The following ART3 variants were observed in gnomAD, a reference collection of about 807,000 sequenced individuals.
ART3 encodes ecto-ADP-ribosyltransferase 3.
Under a neutral mutation model 48.5 loss-of-function variants are expected in ART3, and 49 were observed. That is an observed-to-expected ratio of 1.01 (90% CI 0.80 to 1.28). ART3 has a LOEUF of 1.28. ART3 is among the 50% of genes most tolerant of loss of function. The pLI is 0.00. For missense variants in ART3, 438 were observed against 454.3 expected, an observed-to-expected ratio of 0.96 and a Z score of 0.33; for synonymous variants, 145 against 157.2, an observed-to-expected ratio of 0.92 and a Z score of 0.58.
At position 76,061,578 on chromosome 4, in the gene ART3, G is replaced by A. The variant is rs577674463; in HGVS notation, c.-9-14303G>A. ...TTCATGGTTTCCCATTGCCATTTCA[G>A]TCAAGTTCCAATTTCTAAGCATTAC... On this transcript the variant is annotated intron_variant, in intron 1 of 9. Transcript: ENST00000341029. Among the ~76,000 whole-genome samples, 6 of 152,254 alleles carry A rather than the reference G, an allele frequency of 3.9e-5. No individual in the cohort carries two copies. The East Asian group carries it at 7.7e-4, about 20-fold the overall frequency.
intron 8 of ART3, 152 bp downstream of exon 8, chr4:76,101,171 G>A (rs1279918458): frequency 9.4e-6 from 8 of 848,206 alleles, no homozygotes; most frequent in Admixed American, 8.1e-5. Flanking sequence ...ACTCTCCTGG[G>A]TTTCAGGTAG....
At chr4:76,047,592 G>T (rs1395460559) in intron 1 of ART3, among the ~76,000 whole-genome samples, 2 of 151,782 alleles carry the variant, frequency 1.3e-5, no homozygotes, top group African/African-American at 4.8e-5. Flanking sequence ...ATTCTCCTTA[G>T]TCCTTCTAGA....
At chr4:76,107,917 G>C (rs978703640) in intron 11 of ART3, 124 bp downstream of exon 11, 2 of 716,406 alleles carry the variant, frequency 2.8e-6, no homozygotes, top group Non-Finnish European at 4.5e-6. Flanking sequence ...CTTAATAACA[G>C]AGTATAATGT....
chr4:76,069,615 C>T (rs1219545608), intron 1 of ART3, among the ~76,000 whole-genome samples: 1 of 151,922 alleles, frequency 6.6e-6, no homozygotes, highest in African/African-American at 2.4e-5. Flanking sequence ...GTCTCGAACT[C>T]CTGATCTCAA....
At chr4:76,054,339 T>A (rs373275131) in intron 1 of ART3, among the ~76,000 whole-genome samples, 1 of 152,184 alleles carries the variant, frequency 6.6e-6, no homozygotes, top group East Asian at 1.9e-4. Flanking sequence ...TGACCATTTA[T>A]AAGGAGTATT....
chr4:76,097,057 C>A (rs116655606), intron 3 of ART3, among the ~76,000 whole-genome samples: 1,741 of 152,184 alleles, frequency 0.011, 21 homozygotes, highest in Non-Finnish European at 0.019. Context: ...GGTATTAGCC[C>A]TGGATGGGCC....
chr4:76,081,347 A>C (rs1438939932), intron 2 of ART3, among the ~76,000 whole-genome samples: 1 of 152,150 alleles, frequency 6.6e-6, no homozygotes, highest in Admixed American at 6.5e-5. Context: ...AATCATTTCT[A>C]CCCAGGCCAT....
chr4:76,029,571 C>T (rs1560582241), intron 1 of ART3, among the ~76,000 whole-genome samples: 1 of 152,078 alleles, frequency 6.6e-6, no homozygotes, highest in Non-Finnish European at 1.5e-5. Flanking sequence ...CCAAAAAAAA[C>T]CCTAACAGTT....
intron 1 of ART3, among the ~76,000 whole-genome samples, chr4:76,032,732 G>A (rs6532103): frequency 0.61 from 92,261 of 151,122 alleles, 29,176 homozygotes; most frequent in East Asian, 0.94. Context: ...TTACAGGCAC[G>A]TGCCAGCAGC....
chr4:76,024,834 A>G (rs1400272783), intron 1 of ART3, among the ~76,000 whole-genome samples: 1 of 152,228 alleles, frequency 6.6e-6, no homozygotes, highest in Non-Finnish European at 1.5e-5. Flanking sequence ...TCCTAGGATC[A>G]GGCTACTGTA....
Position 76,112,618 on chromosome 4 carries a change from A to G in ART3, c.*99A>G, listed in dbSNP as rs2109837787. 1 of 1,317,236 alleles carries G rather than the reference A, an allele frequency of 7.6e-7. No individual in the cohort carries two copies. Among genetic ancestry groups the G allele is most frequent in the Middle Eastern group, 2.0e-4 (1 of 4,980 alleles). 81.6% of individuals were successfully genotyped at this position (1,317,236 alleles called of 1,614,324 possible). ...GATGTATTTTTTACGTGTTGGCCAAAGTCACTGGATAAAATGAGAATTGTA... is the reference window on the plus strand; with the variant it reads ...GATGTATTTTTTACGTGTTGGCCAAGGTCACTGGATAAAATGAGAATTGTA... On this transcript the variant is annotated 3_prime_UTR_variant, in exon 12 of 12. Transcript: ENST00000355810.
chr4:76,082,501 G>T lies in ART3; in HGVS notation c.747G>T (p.Lys249Asn), dbSNP rs755285901. The change falls in exon 3 of 12, where the codon AAG becomes AAT. Residue 249 changes from lysine to asparagine, a missense_variant. Transcript: ENST00000355810. ...GNNLILQSIN[K>N]TCSHYECAFL... ...ACCTTATCCTTCAAAGCATAAACAA[G>T]ACCTGCAGCCATTATGAGTGTGCAT... 6 of 1,602,752 alleles carry T rather than the reference G, an allele frequency of 3.7e-6. No individual in the cohort carries two copies. Among genetic ancestry groups the T allele is most frequent in the Non-Finnish European group, 5.1e-6 (6 of 1,174,720 alleles).
At chr4:76,059,914 A>G (rs987197631) in intron 1 of ART3, among the ~76,000 whole-genome samples, 1 of 152,228 alleles carries the variant, frequency 6.6e-6, no homozygotes, top group Non-Finnish European at 1.5e-5. Context: ...ATTAGCAAAG[A>G]GGATGTTGTG....
chr4:76,089,000 A>G (rs905112378), intron 3 of ART3, among the ~76,000 whole-genome samples: 5 of 152,168 alleles, frequency 3.3e-5, no homozygotes, highest in African/African-American at 1.2e-4. Flanking sequence ...GTGAAAATCA[A>G]TGTGGCATTT....
rs555601647 is a variant in ART3, at chr4:76,052,651, T to G, written c.-9-23230T>G. 6.6e-5 allele frequency among the ~76,000 whole-genome samples: 10 copies of G among 152,254 alleles called. No homozygotes were observed. The South Asian group carries it at 2.1e-3, about 32-fold the overall frequency. ...TCTATCATTCCATACTCTATGTCTA[T>G]GTGTACACATTATTTAGCTCCCACT... is the stretch of plus-strand genomic sequence containing the variant. On this transcript the variant is annotated intron_variant, in intron 1 of 9. Transcript: ENST00000341029.
In ART3 at chr4:76,112,716, A is replaced by C. The variant is rs1729711371; in HGVS notation, c.*197A>C. On this transcript the variant is annotated 3_prime_UTR_variant, in exon 12 of 12. Transcript: ENST00000355810. ...TCACAGAACTTTTCACTTGTATACT[A>C]CTCTTACAATGGAAAAAAATCCCGA... The C allele has an allele frequency of 2.1e-6, 1 of 477,252 alleles. No homozygotes were observed. Among genetic ancestry groups the C allele is most frequent in the Non-Finnish European group, 3.5e-6 (1 of 285,822 alleles). 29.6% of individuals were successfully genotyped at this position (477,252 alleles called of 1,614,324 possible).
chr4:76,023,558 G>A (rs918169810), intron 1 of ART3: 11 of 817,030 alleles, frequency 1.3e-5, no homozygotes, highest in African/African-American at 1.2e-4. Context: ...CCCTAATTCT[G>A]ATTGGATAAG....
rs764348195 is a variant in ART3 at position 76,112,454 on chromosome 4, CCA to C, written c.1108_1109del (p.Gln370ValfsTer22). The C allele has an allele frequency of 1.2e-6, 2 of 1,613,962 alleles. No individual in the cohort carries two copies. The highest frequency in any genetic ancestry group is 1.3e-5 in the African/African-American group (1 of 74,922). The stretch of plus-strand genomic sequence containing the variant: ...TGCATCCTCGGGCAAACTGCTGCTT[CCA>C]CAGTTTGGGATGGTCATCATTTTAA... The part of the protein sequence containing the change: ...PSASSGKLLL[P>X]QFGMVIILIS... On this transcript the variant is annotated frameshift_variant, in exon 12 of 12. Transcript: ENST00000355810. LOFTEE classifies it low-confidence loss of function (END_TRUNC).
intron 3 of ART3, 127 bp from the exon 4 acceptor site, chr4:76,097,517 A>G: frequency 2.6e-6 from 2 of 759,168 alleles, no homozygotes; most frequent in East Asian, 2.5e-5. Flanking sequence ...TGCAATTTGC[A>G]TCTTACTAAT....
Sources: gnomAD v4.1 joint callset for allele counts (sites outside exome capture counted in the v4.1 genomes callset) on GRCh38, gnomAD v4.1.1 for gene constraint, MANE v1.5 for transcripts, NCBI Gene and HGNC (gene_info 2026-07-23, HGNC 2026-07-21) for gene names.